Variants in TTC28 observed in about 807,000 individuals in gnomAD.
TTC28 encodes the protein tetratricopeptide repeat protein 28.
In TTC28, 61 loss-of-function variants were observed where a neutral mutation model predicts 198.0. That is an observed-to-expected ratio of 0.31 (90% CI 0.25 to 0.38). The LOEUF is 0.38. Among genes scored for constraint, TTC28 ranks in the 10% least tolerant of loss-of-function variants. The pLI, the probability that TTC28 is intolerant of heterozygous loss-of-function variation, is 1.00. For synonymous variants in TTC28, 1,171 were observed against 1,297.8 expected (o/e 0.90, Z 2.10); for missense variants, 2,678 against 3,164.0 (o/e 0.85, Z 3.69).
intron 2 of TTC28, among the ~76,000 whole-genome samples, chr22:28,396,342 T>C (rs1163061089): frequency 6.6e-6 from 1 of 152,212 alleles, no homozygotes; most frequent in Non-Finnish European, 1.5e-5. Context: ...ATCTGACAAC[T>C]GGTAGTAAAA....
chr22:28,129,044 G>A (rs1232914988), intron 6 of TTC28, among the ~76,000 whole-genome samples: 2 of 152,134 alleles, frequency 1.3e-5, no homozygotes, highest in Non-Finnish European at 2.9e-5. Flanking sequence ...GATCTAGACA[G>A]CCATATTCAA....
chr22:28,531,199 A>G (rs1432071120), intron 2 of TTC28, among the ~76,000 whole-genome samples: 1 of 152,218 alleles, frequency 6.6e-6, no homozygotes, highest in Non-Finnish European at 1.5e-5. Flanking sequence ...GCTCAAAATA[A>G]AGGAATGGAG....
At chr22:28,371,395 A>G (rs1277440882) in intron 2 of TTC28, among the ~76,000 whole-genome samples, 1 of 144,802 alleles carries the variant, frequency 6.9e-6, no homozygotes, top group Non-Finnish European at 1.5e-5. Context: ...CTGTAGTCCC[A>G]GCTACTGGGG....
In TTC28 at chr22:28,401,205, G is replaced by GGATGAC. The variant is rs368998194; in HGVS notation, c.382-94568_382-94563dup. On this transcript the variant is annotated intron_variant, in intron 2 of 22. Transcript: ENST00000397906. ...GAAAAGGAGGGGGGGAGGAGGAGGA[G>GGATGAC]GATGACGATGACGATGACGACGACG... Among the ~76,000 whole-genome samples, 542 of 151,924 alleles carry GGATGAC rather than the reference G, an allele frequency of 3.6e-3. 1 individual carries two copies. The highest frequency in any genetic ancestry group is 6.5e-3 in the Admixed American group (99 of 15,258).
At chr22:28,328,155 G>C (rs1287420289) in intron 2 of TTC28, among the ~76,000 whole-genome samples, 1 of 152,192 alleles carries the variant, frequency 6.6e-6, no homozygotes, top group Non-Finnish European at 1.5e-5. Context: ...CTCTGGGCTA[G>C]GTGAGGTAGC....
At chr22:28,166,416 G>A (rs112944518) in intron 5 of TTC28, among the ~76,000 whole-genome samples, 9 of 152,070 alleles carry the variant, frequency 5.9e-5, no homozygotes, top group Non-Finnish European at 1.3e-4. Flanking sequence ...TTGACCACAT[G>A]GTTGGAAGTA....
chr22:28,455,277 C>T (rs1450269655), intron 2 of TTC28, among the ~76,000 whole-genome samples: 1 of 152,182 alleles, frequency 6.6e-6, no homozygotes, highest in Non-Finnish European at 1.5e-5. Context: ...CAAAACACTA[C>T]TGAAATTGAG....
At chr22:28,389,464 T>G (rs2046676345) in intron 2 of TTC28, among the ~76,000 whole-genome samples, 1 of 150,370 alleles carries the variant, frequency 6.7e-6, no homozygotes, top group Non-Finnish European at 1.5e-5. Context: ...AGTGAATCCA[T>G]CTGGTCCTGG....
At chr22:28,558,869 T>C (rs2049826295) in intron 2 of TTC28, among the ~76,000 whole-genome samples, 1 of 151,650 alleles carries the variant, frequency 6.6e-6, no homozygotes, top group Admixed American at 6.6e-5. Context: ...ACCCTGTCTC[T>C]ACTAAAAGTA....
intron 6 of TTC28, among the ~76,000 whole-genome samples, chr22:28,144,398 C>G (rs1346494716): frequency 6.6e-6 from 1 of 152,184 alleles, no homozygotes; most frequent in Non-Finnish European, 1.5e-5. Flanking sequence ...TCAGGTATAC[C>G]TTCAAGTTCT....
rs1178661737 is a variant in TTC28 at position 28,094,154 on chromosome 22, T to C, written c.3858A>G (p.Thr1286=). 24 of 1,551,556 alleles carry C rather than the reference T, an allele frequency of 1.5e-5. No homozygotes were observed. The highest frequency in any genetic ancestry group is 8.7e-6 in the Non-Finnish European group (10 of 1,146,968). The change falls in exon 12 of 23, where the codon ACA becomes ACG. Residue 1286 remains threonine (T), a synonymous_variant. Coordinates refer to ENST00000397906, the MANE Select transcript of TTC28 (RefSeq NM_001145418.2). ...GCTGCTCCAGGGCTGAGCCGGTTGC[T>C]GTTGGAAGGGTTACACTGCTGCTGG... ...FQASSSVTLP[T]ATGSALEQHI... is the part of the protein sequence containing the mutation.
chr22:28,058,440 T>C (rs1940380861), intron 12 of TTC28, among the ~76,000 whole-genome samples: 1 of 152,114 alleles, frequency 6.6e-6, no homozygotes, highest in African/African-American at 2.4e-5. Flanking sequence ...TATGGCAAAG[T>C]ATACTAACTG....
intron 6 of TTC28, among the ~76,000 whole-genome samples, chr22:28,144,543 T>A (rs1383292211): frequency 6.6e-6 from 1 of 152,244 alleles, no homozygotes; most frequent in Non-Finnish European, 1.5e-5. Context: ...CTTAGCCAAG[T>A]CTGCATTTTA....
At chr22:28,192,015 G>A (rs1429133315) in intron 5 of TTC28, among the ~76,000 whole-genome samples, 1 of 152,206 alleles carries the variant, frequency 6.6e-6, no homozygotes, top group African/African-American at 2.4e-5. Flanking sequence ...TGACCGCCGA[G>A]TAGCCTAACT....
intron 5 of TTC28, among the ~76,000 whole-genome samples, chr22:28,253,333 C>G (rs1367226438): frequency 6.6e-6 from 1 of 152,196 alleles, no homozygotes; most frequent in Non-Finnish European, 1.5e-5. Flanking sequence ...TAGATGGAAT[C>G]TTCAAGAGAG....
intron 2 of TTC28, among the ~76,000 whole-genome samples, chr22:28,443,502 G>T (rs1254985145): frequency 6.6e-6 from 1 of 152,044 alleles, no homozygotes; most frequent in African/African-American, 2.4e-5. Context: ...AAAAGGATCT[G>T]CCCTTCTCGA....
chr22:28,114,198 C>T (rs1202590706), intron 6 of TTC28, among the ~76,000 whole-genome samples: 2 of 152,220 alleles, frequency 1.3e-5, no homozygotes, highest in East Asian at 1.9e-4. Flanking sequence ...AAATCTGCTT[C>T]ACAGAAAAGT....
rs1191665453 is a variant in TTC28, at chr22:28,239,761, C to A, written c.933+56437G>T. Among the ~76,000 whole-genome samples the A allele has an allele frequency of 3.9e-5, 6 of 152,194 alleles. No individual in the cohort carries two copies. In the East Asian group the frequency reaches 1.2e-3, roughly 29 times the overall value. On this transcript the variant is annotated intron_variant, in intron 5 of 22. Transcript: ENST00000397906. The stretch of plus-strand genomic sequence containing the variant: ...TGGGGCTTGAAAAAAGGGATGGAGA[C>A]ATATGGGCATATTCTGATGAAGATG...
chr22:28,027,586 C>T (rs990277381), intron 13 of TTC28, among the ~76,000 whole-genome samples: 2 of 152,230 alleles, frequency 1.3e-5, no homozygotes, highest in African/African-American at 2.4e-5. Context: ...AGAGGGAAGC[C>T]CTTACTGCTC....
Sources: gnomAD v4.1 joint callset for allele counts (sites outside exome capture counted in the v4.1 genomes callset) on GRCh38, gnomAD v4.1.1 for gene constraint, MANE v1.5 for transcripts, NCBI Gene and HGNC (gene_info 2026-07-23, HGNC 2026-07-21) for gene names.